Variants in ANKRD31 observed in about 807,000 individuals in gnomAD.
ANKRD31 encodes the protein ankyrin repeat domain 31, also known as ankyrin repeat domain-containing protein 31.
Under a neutral mutation model 186.0 loss-of-function variants are expected in ANKRD31, and 147 were observed. The observed-to-expected ratio is 0.79, with a 90% CI of 0.69 to 0.91. The LOEUF is 0.91. Ranked by LOEUF, ANKRD31 falls within the 40% of genes least tolerant of loss-of-function variation. The pLI is 0.00. For synonymous variants in ANKRD31, 673 were observed against 736.4 expected, an observed-to-expected ratio of 0.91 and a Z score of 1.39; for missense variants, 1,986 against 2,148.8, an observed-to-expected ratio of 0.92 and a Z score of 1.50.
rs1758008924 is a variant in ANKRD31 at position 75,232,502 on chromosome 5, T to C, written c.105-1867A>G. 2.0e-5 allele frequency among the ~76,000 whole-genome samples: 3 copies of C among 152,132 alleles called. No individual in the cohort carries two copies. The South Asian group carries it at 6.2e-4, about 32-fold the overall frequency. Reference sequence around the variant, plus strand: ...TAGTCTCGAACTCCTGACCTTCAGGTCTCGACCTCCCTAAATGCTGGGATT... The same window carrying C: ...TAGTCTCGAACTCCTGACCTTCAGGCCTCGACCTCCCTAAATGCTGGGATT... On this transcript the variant is annotated intron_variant, in intron 1 of 25. Transcript: ENST00000506364.
chr5:75,088,921 A>G (rs949691574), intron 23 of ANKRD31, among the ~76,000 whole-genome samples: 1 of 152,220 alleles, frequency 6.6e-6, no homozygotes, highest in African/African-American at 2.4e-5. Flanking sequence ...ATACATAAGA[A>G]AGCTGAAGTT....
At position 75,146,166 on chromosome 5, in the gene ANKRD31, G is replaced by C; in HGVS notation, c.3245C>G (p.Ser1082Cys). 1 of 1,535,816 alleles carries C rather than the reference G, an allele frequency of 6.5e-7. No homozygotes were observed. Among genetic ancestry groups the C allele is most frequent in the Non-Finnish European group, 8.7e-7 (1 of 1,146,234 alleles). The change falls in exon 14 of 26, where the codon TCC becomes TGC. Residue 1082 changes from serine (S) to cysteine (C), a missense_variant. Ser to Cys is a moderately radical substitution (Grantham distance 112). Transcript: ENST00000506364. ...TATTACTTGAGAATGAGCAACTATG[G>C]ATAAAGGCTCATTTGAATAAATTAT... ...QKIIYSNEPL[S>C]IVAHSQVIET...
chr5:75,072,058 C>A (rs1744278520), intron 25 of ANKRD31, among the ~76,000 whole-genome samples: 1 of 152,206 alleles, frequency 6.6e-6, no homozygotes, highest in Non-Finnish European at 1.5e-5. Context: ...AAGTTTCCTA[C>A]AATGTGCCAG....
intron 17 of ANKRD31, among the ~76,000 whole-genome samples, chr5:75,137,059 T>A (rs1750645408): frequency 6.6e-6 from 1 of 152,152 alleles, no homozygotes; most frequent in African/African-American, 2.4e-5. Flanking sequence ...ATATACCTAA[T>A]GTAAATGATG....
Position 75,147,229 on chromosome 5 carries a change from T to C in ANKRD31, c.2182A>G (p.Ile728Val), listed in dbSNP as rs1751513710. 1 of 1,536,302 alleles carries C rather than the reference T, an allele frequency of 6.5e-7. No individual in the cohort carries two copies. Among genetic ancestry groups the C allele is most frequent in the Non-Finnish European group, 8.7e-7 (1 of 1,146,282 alleles). The change falls in exon 14 of 26, where the codon ATA becomes GTA. Residue 728 changes from isoleucine (I) to valine (V), a missense_variant. Coordinates refer to ENST00000506364, the MANE Select transcript of ANKRD31 (RefSeq NM_001372053.1). ...TTATGTTGTGTTTTTCTTCTTCCTA[T>C]ACCTTTTGGTACGTTTGTGTTGGGA... ...KDPNTNVPKG[I>V]GRRKTQHKRT...
chr5:75,152,956 G>C (rs1003287329), intron 12 of ANKRD31, among the ~76,000 whole-genome samples: 18 of 151,734 alleles, frequency 1.2e-4, no homozygotes, highest in Non-Finnish European at 1.5e-4. Flanking sequence ...TTGAGTGTGG[G>C]CCAGACTCAG....
intron 11 of ANKRD31, among the ~76,000 whole-genome samples, chr5:75,161,018 G>A (rs1233188111): frequency 2.0e-5 from 3 of 152,128 alleles, no homozygotes; most frequent in Admixed American, 2.0e-4. Context: ...TATCAACAGT[G>A]TAAAAACAAA....
chr5:75,180,844 AC>A (rs1465447555), intron 10 of ANKRD31, among the ~76,000 whole-genome samples: 1 of 152,148 alleles, frequency 6.6e-6, no homozygotes, highest in Admixed American at 6.5e-5. Flanking sequence ...ATGTCTAAAC[AC>A]CAAAAGCAAT....
At chr5:75,131,969 T>C (rs954756686) in intron 17 of ANKRD31, among the ~76,000 whole-genome samples, 4 of 152,126 alleles carry the variant, frequency 2.6e-5, no homozygotes, top group Non-Finnish European at 5.9e-5. Context: ...GAAGGAAAAC[T>C]AACAAACAGC....
intron 10 of ANKRD31, among the ~76,000 whole-genome samples, chr5:75,185,781 C>A (rs1319231705): frequency 6.6e-6 from 1 of 151,518 alleles, no homozygotes; most frequent in Non-Finnish European, 1.5e-5. Flanking sequence ...ACATTGTTCC[C>A]CATAAATATG....
In ANKRD31 at chr5:75,104,685, G is replaced by T; in HGVS notation, c.4874C>A (p.Ala1625Asp). The change falls in exon 22 of 26, where the codon GCT (alanine) becomes GAT (aspartate). Residue 1625 changes from alanine to aspartate, a missense_variant. Coordinates refer to ENST00000506364, the MANE Select transcript of ANKRD31 (RefSeq NM_001372053.1). ...ATAGAATTCATGGTCTTTGTCTGTA[G>T]CTTCTGTAAGATCATTCTCTTTCTG... is the stretch of plus-strand genomic sequence containing the variant. ...YSQKENDLTE[A>D]TDKDHEFYVS... 7.2e-6 allele frequency: 11 copies of T among 1,536,400 alleles called. No individual in the cohort carries two copies. The highest frequency in any genetic ancestry group is 9.6e-6 in the Non-Finnish European group (11 of 1,146,622).
In ANKRD31 at chr5:75,105,219, C is replaced by T. The variant is rs1747238299; in HGVS notation, c.4341-1G>A. Reference sequence around the variant, plus strand: ...ATGCTTAAATGACTCTATGGATACCCTATAGGAAGAAACAGAAAGAGAAAA... The same window carrying T: ...ATGCTTAAATGACTCTATGGATACCTTATAGGAAGAAACAGAAAGAGAAAA... On this transcript the variant is annotated splice_acceptor_variant, in intron 21 of 25. Coordinates refer to ENST00000506364, the MANE Select transcript of ANKRD31 (RefSeq NM_001372053.1). LOFTEE classifies it high-confidence loss of function. 1 of 1,475,382 alleles carries T rather than the reference C, an allele frequency of 6.8e-7. No individual in the cohort carries two copies. Among genetic ancestry groups the T allele is most frequent in the Admixed American group, 2.7e-5 (1 of 36,988 alleles). The allele number at this position is 1,475,382 out of a possible 1,614,324, so 91.4% of individuals were successfully genotyped here.
intron 2 of ANKRD31, among the ~76,000 whole-genome samples, chr5:75,229,888 C>CAAA (rs796445150): frequency 3.8e-5 from 3 of 79,700 alleles, no homozygotes; most frequent in African/African-American, 7.2e-5. Context: ...AAAAAAAAAA[C>CAAA]AAAAAAAACA....
At chr5:75,077,722 G>A (rs369039458) in intron 25 of ANKRD31, among the ~76,000 whole-genome samples, 25 of 151,872 alleles carry the variant, frequency 1.6e-4, no homozygotes, top group East Asian at 1.2e-3. Context: ...TCAGGAGATC[G>A]AGACCATCCT....
At chr5:75,077,652 G>A (rs924936745) in intron 25 of ANKRD31, among the ~76,000 whole-genome samples, 4 of 152,090 alleles carry the variant, frequency 2.6e-5, no homozygotes, top group African/African-American at 4.8e-5. Context: ...TTGGCCGGGC[G>A]CGGTGGCTCA....
chr5:75,153,085 C>G (rs983626298), intron 12 of ANKRD31, among the ~76,000 whole-genome samples: 2 of 152,002 alleles, frequency 1.3e-5, no homozygotes, highest in African/African-American at 2.4e-5. Flanking sequence ...GTCACCTGCT[C>G]TGAGATAGCT....
intron 20 of ANKRD31, among the ~76,000 whole-genome samples, chr5:75,111,459 C>T (rs1011347091): frequency 5.3e-5 from 8 of 152,116 alleles, no homozygotes; most frequent in South Asian, 4.1e-4. Flanking sequence ...AAACATAACA[C>T]GTACCATGTT....
intron 9 of ANKRD31, among the ~76,000 whole-genome samples, chr5:75,192,006 T>C (rs1755148380): frequency 6.6e-6 from 1 of 152,092 alleles, no homozygotes; most frequent in South Asian, 2.1e-4. Context: ...CATTCTTTCT[T>C]CTAAATACGT....
chr5:75,112,953 C>G (rs1299569735), intron 19 of ANKRD31, among the ~76,000 whole-genome samples: 1 of 152,184 alleles, frequency 6.6e-6, no homozygotes, highest in African/African-American at 2.4e-5. Flanking sequence ...AACAAGTTCA[C>G]TTTAAGGCCT....
Sources: allele counts gnomAD v4.1 joint callset (sites outside exome capture counted in the v4.1 genomes callset), GRCh38; gene constraint gnomAD v4.1.1; transcripts MANE v1.5; gene names NCBI Gene and HGNC (gene_info 2026-07-23, HGNC 2026-07-21).